The following THSD4 variants were observed in gnomAD, a reference collection of about 807,000 sequenced individuals.
THSD4 encodes thrombospondin type 1 domain containing 4.
In THSD4, 69 loss-of-function variants were observed where a neutral mutation model predicts 119.0. That is an observed-to-expected ratio of 0.58 (90% confidence interval 0.48 to 0.71). The LOEUF (loss-of-function observed/expected upper bound fraction) is 0.71, where lower values mean the gene tolerates loss of function less well. THSD4 is among the 30% of genes least tolerant of loss of function. The pLI, the probability that THSD4 is intolerant of heterozygous loss-of-function variation, is 0.00. For synonymous variants in THSD4, 524 were observed against 540.4 expected (o/e 0.97, Z 0.42); for missense variants, 1,393 against 1,391.1 (o/e 1.00, Z -0.02).
chr15:71,576,647 ACT>A (rs1254521673), intron 7 of THSD4, among the ~76,000 whole-genome samples: 1 of 152,044 alleles, frequency 6.6e-6, no homozygotes, highest in African/African-American at 2.4e-5. Context: ...TTTTACTAAA[ACT>A]CTGCCTCCTG....
intron 6 of THSD4, among the ~76,000 whole-genome samples, chr15:71,311,652 T>C (rs2045112637): frequency 1.3e-5 from 2 of 152,204 alleles, no homozygotes; most frequent in South Asian, 4.1e-4. Flanking sequence ...TAGCATTATA[T>C]GTTGATATCA....
chr15:71,602,570 AAAAAAAAAAAT>A (rs1418052396), intron 7 of THSD4, among the ~76,000 whole-genome samples: 14 of 149,546 alleles, frequency 9.4e-5, no homozygotes, highest in Admixed American at 2.0e-4. Flanking sequence ...AAAAAAAAAA[AAAAAAAAAAAT>A]GAAAAAGAAA....
At position 71,115,601 on chromosome 15, in the gene THSD4, T is replaced by A. The variant is rs1596205129; in HGVS notation, c.-177T>A. The A allele has an allele frequency of 6.8e-6, 1 of 147,602 alleles. No homozygotes were observed. The highest frequency in any genetic ancestry group is 2.4e-5 in the African/African-American group (1 of 40,820). 9.1% of individuals were successfully genotyped at this position (147,602 alleles called of 1,614,324 possible). ...GGCGGCTGGGCGGCGGTGGCGGCCG[T>A]CCATGCGGCGGCGCTCGGGGCTGCC... On this transcript the variant is annotated 5_prime_UTR_variant, in exon 1 of 18. Transcript: ENST00000261862. The surrounding 1 kb of genome is among the most constrained non-coding windows in gnomAD (Gnocchi z 4.4).
chr15:71,448,985 C>T (rs970055195), intron 7 of THSD4, among the ~76,000 whole-genome samples: 4 of 152,134 alleles, frequency 2.6e-5, no homozygotes, highest in African/African-American at 7.2e-5. Context: ...ACATACAAAC[C>T]CCCTTGCCTT....
intron 7 of THSD4, among the ~76,000 whole-genome samples, chr15:71,536,813 G>A (rs141155155): frequency 1.2e-4 from 18 of 152,258 alleles, no homozygotes; most frequent in African/African-American, 4.1e-4. Flanking sequence ...GTGTATGTGG[G>A]AGGAAGTAGG....
Position 71,632,956 on chromosome 15 carries a change from C to G in THSD4, c.1153-27574C>G, listed in dbSNP as rs541261106. ...TGTAACAAGTCTCCTAATCAACAGA[C>G]CTTGTTAAAGGCAGTTATTTTATTA... On this transcript the variant is annotated intron_variant, in intron 7 of 17. Coordinates refer to ENST00000261862, the MANE Select transcript of THSD4 (RefSeq NM_024817.3). Among the ~76,000 whole-genome samples the G allele has an allele frequency of 2.8e-4, 42 of 152,300 alleles. 1 individual carries two copies. Among genetic ancestry groups the G allele is most frequent in the Non-Finnish European group, 5.4e-4 (37 of 68,024 alleles).
chr15:71,308,220 C>G (rs780786996), intron 6 of THSD4, among the ~76,000 whole-genome samples: 1 of 152,214 alleles, frequency 6.6e-6, no homozygotes, highest in Non-Finnish European at 1.5e-5. Context: ...AGGGTCAGTC[C>G]TTGAGGCAGG....
At chr15:71,681,749 G>T (rs187762843) in intron 8 of THSD4, among the ~76,000 whole-genome samples, 10 of 151,674 alleles carry the variant, frequency 6.6e-5, no homozygotes, top group African/African-American at 2.2e-4. Context: ...ATCAAGCACC[G>T]TTTGAGTTGT....
At chr15:71,603,617 T>G (rs1329519641) in intron 7 of THSD4, among the ~76,000 whole-genome samples, 1 of 152,122 alleles carries the variant, frequency 6.6e-6, no homozygotes, top group East Asian at 1.9e-4. Context: ...GAGGCTCCCA[T>G]AGGTTCAGGG....
intron 12 of THSD4, among the ~76,000 whole-genome samples, chr15:71,746,518 C>T (rs1040411034): frequency 6.6e-6 from 1 of 152,196 alleles, no homozygotes; most frequent in Admixed American, 6.5e-5. Flanking sequence ...CCTCAGCCTC[C>T]CGAGTAGCTG....
chr15:71,534,608 T>C lies in THSD4; in HGVS notation c.1152+122785T>C, dbSNP rs551837925. On this transcript the variant is annotated intron_variant, in intron 7 of 17. Coordinates refer to ENST00000261862, the MANE Select transcript of THSD4 (RefSeq NM_024817.3). ...AGAAAATAACAAAATTAAAAGAATG[T>C]GATACTCACCTTTTATGTTTGCTCA... Among the ~76,000 whole-genome samples the C allele has an allele frequency of 1.7e-3, 259 of 152,366 alleles. 15 individuals carry two copies. The South Asian group carries it at 0.051, about 30-fold the overall frequency.
At chr15:71,519,415 G>A (rs545516372) in intron 7 of THSD4, among the ~76,000 whole-genome samples, 12 of 152,276 alleles carry the variant, frequency 7.9e-5, no homozygotes, top group African/African-American at 2.4e-4. Flanking sequence ...AAGCTGGAGT[G>A]CAGTGGTGTG....
At chr15:71,600,346 G>A (rs1190300227) in intron 7 of THSD4, among the ~76,000 whole-genome samples, 7 of 152,114 alleles carry the variant, frequency 4.6e-5, no homozygotes, top group Admixed American at 3.3e-4. Context: ...CTGAATTCCC[G>A]TAGGTTTTGT....
chr15:71,097,950 CCTT>C (rs899760595), intron 1 of THSD4, among the ~76,000 whole-genome samples: 7 of 151,870 alleles, frequency 4.6e-5, no homozygotes, highest in Non-Finnish European at 1.0e-4. Context: ...CCAGTGCTGA[CCTT>C]CTCGCAGTGA....
intron 7 of THSD4, among the ~76,000 whole-genome samples, chr15:71,483,725 A>G (rs1045259006): frequency 2.6e-5 from 4 of 152,016 alleles, no homozygotes; most frequent in Admixed American, 2.6e-4. Context: ...TGCATTAGCC[A>G]TTTATCCTGA....
rs139056807 is a variant in THSD4, at chr15:71,535,383, G to A, written c.1152+123560G>A. Among the ~76,000 whole-genome samples the A allele has an allele frequency of 5.7e-3, 862 of 152,280 alleles. 7 individuals are homozygous for A. Among genetic ancestry groups the A allele is most frequent in the African/African-American group, 0.02 (830 of 41,550 alleles). On this transcript the variant is annotated intron_variant, in intron 7 of 17. Transcript: ENST00000261862. ...CATTTTATATATATCTGTTCATTAGGTGATGGATATTTGAGTTACGTCCAT... is the reference window on the plus strand; with the variant it reads ...CATTTTATATATATCTGTTCATTAGATGATGGATATTTGAGTTACGTCCAT...
intron 7 of THSD4, among the ~76,000 whole-genome samples, chr15:71,544,454 G>A (rs2048806576): frequency 6.6e-6 from 1 of 152,164 alleles, no homozygotes; most frequent in African/African-American, 2.4e-5. Context: ...CAAACAGGAG[G>A]ACATACGTTT....
At chr15:71,547,330 C>G in intron 7 of THSD4, 1 of 1,539,034 alleles carries the variant, frequency 6.5e-7, no homozygotes, top group South Asian at 1.2e-5. Context: ...GCTGGAATCC[C>G]GAGACACAAG....
chr15:71,258,336 G>A (rs1002493162), intron 6 of THSD4, among the ~76,000 whole-genome samples: 7 of 151,964 alleles, frequency 4.6e-5, no homozygotes, highest in African/African-American at 1.7e-4. Context: ...GCAACACTAC[G>A]CCTGGCTAAT....
Sources: allele counts gnomAD v4.1 joint callset (sites outside exome capture counted in the v4.1 genomes callset), GRCh38; gene constraint gnomAD v4.1.1; non-coding constraint Gnocchi (gnomAD v3.1); transcripts MANE v1.5; gene names NCBI Gene and HGNC (gene_info 2026-07-23, HGNC 2026-07-21).